Variants in NOS1AP observed in about 807,000 individuals in gnomAD.
NOS1AP encodes the protein carboxyl-terminal PDZ ligand of neuronal nitric oxide synthase protein.
In NOS1AP, 21 loss-of-function variants were observed where a neutral mutation model predicts 56.2. That is an observed-to-expected ratio of 0.37 (90% CI 0.26 to 0.54). The LOEUF is 0.54. Ranked by LOEUF, NOS1AP falls within the 20% of genes least tolerant of loss-of-function variation. The probability of loss-of-function intolerance (pLI) is 0.84; values close to 1 mark genes in which losing one functional copy is unlikely to be tolerated. For missense variants in NOS1AP, 522 were observed against 657.8 expected, an observed-to-expected ratio of 0.79 and a Z score of 2.26; for synonymous variants, 270 against 274.6, an observed-to-expected ratio of 0.98 and a Z score of 0.17.
intron 1 of NOS1AP, 136 bp from the exon 2 acceptor site, chr1:162,154,269 C>A: frequency 1.4e-6 from 1 of 737,562 alleles, no homozygotes; most frequent in Non-Finnish European, 2.3e-6. Context: ...AGACTCAAAA[C>A]AAAACACCCT....
In NOS1AP at chr1:162,276,246, A is replaced by G. The variant is rs930202369; in HGVS notation, c.178-11098A>G. On this transcript the variant is annotated intron_variant, in intron 2 of 9. Coordinates refer to ENST00000361897, the MANE Select transcript of NOS1AP (RefSeq NM_014697.3). ...CTCTTCCTACATAAACCATCCTGGCATCTCTTCACCCAAGTTCATTTGTTG... is the reference window on the plus strand; with the variant it reads ...CTCTTCCTACATAAACCATCCTGGCGTCTCTTCACCCAAGTTCATTTGTTG... 9.8e-5 allele frequency among the ~76,000 whole-genome samples: 15 copies of G among 152,290 alleles called. No homozygotes were observed. In the South Asian group the frequency reaches 1.0e-3, roughly 11 times the overall value.
chr1:162,121,770 G>A (rs781515988), intron 1 of NOS1AP, among the ~76,000 whole-genome samples: 15 of 152,086 alleles, frequency 9.9e-5, no homozygotes, highest in African/African-American at 3.1e-4. Flanking sequence ...AAAGGACTCC[G>A]GCTTCTCTAA....
chr1:162,127,661 C>A (rs1393680277), intron 1 of NOS1AP, among the ~76,000 whole-genome samples: 1 of 152,172 alleles, frequency 6.6e-6, no homozygotes, highest in Non-Finnish European at 1.5e-5. Flanking sequence ...GGGGAGCAGG[C>A]ACTTCACAAG....
At chr1:162,310,919 G>A (rs370289943) in intron 4 of NOS1AP, among the ~76,000 whole-genome samples, 2 of 151,560 alleles carry the variant, frequency 1.3e-5, no homozygotes, top group South Asian at 2.1e-4. Flanking sequence ...ACCCATCTTC[G>A]CTTGTTTCTT....
chr1:162,162,742 A>G (rs947772555), intron 2 of NOS1AP, among the ~76,000 whole-genome samples: 8 of 152,152 alleles, frequency 5.3e-5, no homozygotes, highest in African/African-American at 1.7e-4. Context: ...TATGCTTTAC[A>G]TATTTAAATG....
chr1:162,223,252 C>A (rs1652843285), intron 2 of NOS1AP, among the ~76,000 whole-genome samples: 1 of 152,142 alleles, frequency 6.6e-6, no homozygotes. Flanking sequence ...TTATAGACCT[C>A]CCTCCCTCCC....
At chr1:162,225,090 A>G (rs548015439) in intron 2 of NOS1AP, among the ~76,000 whole-genome samples, 1 of 152,294 alleles carries the variant, frequency 6.6e-6, no homozygotes, top group Admixed American at 6.5e-5. Flanking sequence ...ACCACCCCAC[A>G]TACTTCTCCT....
chr1:162,185,785 A>G (rs1420630422), intron 2 of NOS1AP, among the ~76,000 whole-genome samples: 3 of 152,234 alleles, frequency 2.0e-5, no homozygotes, highest in African/African-American at 7.2e-5. Flanking sequence ...AATATTTGGA[A>G]TGAGGATTTG....
intron 2 of NOS1AP, among the ~76,000 whole-genome samples, chr1:162,217,932 A>G (rs911068516): frequency 2.0e-5 from 3 of 152,204 alleles, no homozygotes; most frequent in African/African-American, 7.2e-5. Flanking sequence ...TGTACTGAGC[A>G]TATGGGGACT....
chr1:162,113,389 G>C (rs569691988), intron 1 of NOS1AP, among the ~76,000 whole-genome samples: 1 of 152,140 alleles, frequency 6.6e-6, no homozygotes, highest in East Asian at 1.9e-4. Flanking sequence ...ATGTGTTGTC[G>C]GGCAAAGGCT....
At chr1:162,131,748 T>A (rs898044252) in intron 1 of NOS1AP, among the ~76,000 whole-genome samples, 2 of 151,966 alleles carry the variant, frequency 1.3e-5, no homozygotes, top group Non-Finnish European at 2.9e-5. Context: ...TTTTTTTCTT[T>A]TTGGTTGGGA....
At chr1:162,346,214 G>A (rs1299672053) in intron 6 of NOS1AP, among the ~76,000 whole-genome samples, 1 of 152,182 alleles carries the variant, frequency 6.6e-6, no homozygotes, top group African/African-American at 2.4e-5. Context: ...ACCCATAAAG[G>A]TGTGAAATGA....
At chr1:162,329,600 ATTCTC>A (rs1557880382) in intron 4 of NOS1AP, among the ~76,000 whole-genome samples, 1 of 152,280 alleles carries the variant, frequency 6.6e-6, no homozygotes, top group African/African-American at 2.4e-5. Flanking sequence ...AATCTTTCCT[ATTCTC>A]TTGAGCACTC....
chr1:162,125,652 C>A (rs539693153), intron 1 of NOS1AP, among the ~76,000 whole-genome samples: 1 of 152,162 alleles, frequency 6.6e-6, no homozygotes, highest in Admixed American at 6.5e-5. Flanking sequence ...TTTACTAGTA[C>A]CATGCTGTTT....
rs546823646 is a variant in NOS1AP, at chr1:162,220,510, T to C, written c.177+66034T>C. 2.6e-4 allele frequency among the ~76,000 whole-genome samples: 40 copies of C among 152,300 alleles called. 1 individual carries two copies. In the East Asian group the frequency reaches 2.9e-3, roughly 11 times the overall value. ...CTGTTGCTAAAAATGAATTTTCTCA[T>C]TTATAAATTTTCTCTTTTATAAAAT... is the stretch of plus-strand genomic sequence containing the variant. On this transcript the variant is annotated intron_variant, in intron 2 of 9. Transcript: ENST00000361897.
intron 1 of NOS1AP, among the ~76,000 whole-genome samples, chr1:162,149,365 G>C (rs944675548): frequency 5.9e-5 from 9 of 152,138 alleles, no homozygotes; most frequent in Non-Finnish European, 1.2e-4. Flanking sequence ...CCTGAGTTCA[G>C]TTTACTGCAG....
intron 1 of NOS1AP, among the ~76,000 whole-genome samples, chr1:162,118,032 C>T (rs939818545): frequency 2.0e-5 from 3 of 152,196 alleles, no homozygotes; most frequent in Admixed American, 1.3e-4. Flanking sequence ...TCCTTCACAA[C>T]GTTGTTATGA....
At chr1:162,274,867 A>G (rs891864614) in intron 2 of NOS1AP, among the ~76,000 whole-genome samples, 1 of 152,160 alleles carries the variant, frequency 6.6e-6, no homozygotes, top group Middle Eastern at 3.2e-3. Context: ...ATCCCCTTTA[A>G]TCAAGTGTCC....
chr1:162,337,736 C>T (rs1259856187), intron 5 of NOS1AP, among the ~76,000 whole-genome samples: 1 of 152,188 alleles, frequency 6.6e-6, no homozygotes, highest in Non-Finnish European at 1.5e-5. Context: ...CTTTAAGATG[C>T]AGTATGTCCT....
Sources: allele counts gnomAD v4.1 joint callset (sites outside exome capture counted in the v4.1 genomes callset), GRCh38; gene constraint gnomAD v4.1.1; transcripts MANE v1.5; gene names NCBI Gene and HGNC (gene_info 2026-07-23, HGNC 2026-07-21).